RBM10: variants seen among roughly 807,000 people sequenced by gnomAD.
The protein encoded by RBM10 is RNA-binding protein 10.
Under a neutral mutation model 84.9 loss-of-function variants are expected in RBM10, and 1 was observed. That is an observed-to-expected ratio of 0.01 (90% CI 0.00 to 0.06). The LOEUF is 0.06. RBM10 is among the 10% of genes least tolerant of loss of function. RBM10 has a pLI of 1.00. For missense variants in RBM10, 438 were observed against 839.0 expected, an observed-to-expected ratio of 0.52 and a Z score of 5.90; for synonymous variants, 326 against 344.5, an observed-to-expected ratio of 0.95 and a Z score of 0.60.
At chrX:47,154,330 G>A (rs1932918860) in intron 2 of RBM10, among the ~76,000 whole-genome samples, 1 of 111,161 alleles carries the variant, frequency 9.0e-6, no homozygotes, top group Admixed American at 9.6e-5. Context: ...TTCAATACCT[G>A]AATTTATTTG....
rs2147178060 is a variant in RBM10, at chrX:47,180,320, C to T, written c.1160+11C>T. The stretch of plus-strand genomic sequence containing the variant: ...CAAGGGTTCTAAGAGGTCAGGGCCC[C>T]ACCTGTGTGCCTTCCCACCCTTCCC... On this transcript the variant is annotated intron_variant, in intron 11 of 23. Coordinates refer to ENST00000377604, the MANE Select transcript of RBM10 (RefSeq NM_005676.5). 2 of 1,184,516 alleles carry T rather than the reference C, an allele frequency of 1.7e-6. No homozygotes were observed. The highest frequency in any genetic ancestry group is 3.7e-5 in the South Asian group (2 of 54,057).
At chrX:47,158,941 G>A (rs1933414031) in intron 2 of RBM10, among the ~76,000 whole-genome samples, 2 of 112,367 alleles carry the variant, frequency 1.8e-5, no homozygotes, top group South Asian at 3.6e-4. Context: ...TTCTGTTTTC[G>A]TGGCAGGTGG....
rs1448216767 is a variant in RBM10 at position 47,186,363 on chromosome X, G to A, written c.2643G>A (p.Lys881=). The A allele has an allele frequency of 2.5e-6, 3 of 1,196,203 alleles. No individual in the cohort carries two copies. In the African/African-American group the frequency reaches 5.2e-5, roughly 21 times the overall value. The change falls in exon 23 of 24, where the codon AAG becomes AAA. Residue 881 remains lysine (K), a synonymous_variant. Transcript: ENST00000377604. ...AGGGCAGCGGCCTGGGCCGCAAGAA[G>A]CAGGGCATTGTAACGCCTATCGAGG... ...WKEGSGLGRK[K]QGIVTPIEAQ... is the part of the protein sequence containing the mutation.
intron 7 of RBM10, among the ~76,000 whole-genome samples, chrX:47,178,516 A>G: frequency 8.9e-6 from 1 of 112,176 alleles, no homozygotes; most frequent in Non-Finnish European, 1.9e-5. Flanking sequence ...GAGGGCAGAG[A>G]CCATGTTCTG....
chrX:47,161,797 G>A (rs1933724926), intron 2 of RBM10, among the ~76,000 whole-genome samples: 1 of 110,783 alleles, frequency 9.0e-6, no homozygotes, highest in Non-Finnish European at 1.9e-5. Context: ...CTCCCAAAGT[G>A]CTGGGATTAG....
chrX:47,157,736 G>T, intron 2 of RBM10: 1 of 503,142 alleles, frequency 2.0e-6, no homozygotes, highest in Non-Finnish European at 3.6e-6. Flanking sequence ...TGACGTCCAG[G>T]GGTCCCTGCT....
At position 47,181,249 on chromosome X, in the gene RBM10, C is replaced by G. The variant is rs1556779006; in HGVS notation, c.1283C>G (p.Ser428Cys). The change falls in exon 13 of 24, where the codon TCC becomes TGC. Residue 428 changes from serine (S) to cysteine (C), a missense_variant. By Grantham distance (112) the Ser-to-Cys change is moderately radical. Coordinates refer to ENST00000377604, the MANE Select transcript of RBM10 (RefSeq NM_005676.5). ...SQGGEGTWAT[S>C]EEPPVDYSYY... ...GGTGGGGAGGGTACCTGGGCCACCT[C>G]CGAGGAGCCGCCGGTCGACTACAGC... 1 of 1,168,087 alleles carries G rather than the reference C, an allele frequency of 8.6e-7. No homozygotes were observed. The highest frequency in any genetic ancestry group is 1.8e-5 in the African/African-American group (1 of 55,329).
At chrX:47,161,536 T>TGAGAGAGAGAGA (rs376441587) in intron 2 of RBM10, among the ~76,000 whole-genome samples, 35 of 62,171 alleles carry the variant, frequency 5.6e-4, no homozygotes, top group Non-Finnish European at 8.8e-4. Context: ...TTTTTTTTAG[T>TGAGAGAGAGAGA]GAGAGAGAGA....
Position 47,147,498 on chromosome X carries a change from G to C in RBM10, c.17G>C (p.Arg6Pro), listed in dbSNP as rs2147065970. Residue 6 changes from arginine (R) to proline (P), a missense_variant and splice_region_variant, in exon 2 of 24, where the codon CGT (arginine) becomes CCT (proline). Arg to Pro is a moderately radical substitution (Grantham distance 103). Transcript: ENST00000377604. Reference sequence around the variant, plus strand: ...TATCAGGACATGGAGTATGAAAGACGGTGAGTTATCTGTTCTCAGCTTCCC... The same window carrying C: ...TATCAGGACATGGAGTATGAAAGACCGTGAGTTATCTGTTCTCAGCTTCCC... MEYERRGGRGDRTGRY... is the reference protein window; with the variant it reads MEYERPGGRGDRTGRY... 1 of 1,211,481 alleles carries C rather than the reference G, an allele frequency of 8.3e-7. No individual in the cohort carries two copies. Among genetic ancestry groups the C allele is most frequent in the Non-Finnish European group, 1.1e-6 (1 of 895,154 alleles).
intron 2 of RBM10, among the ~76,000 whole-genome samples, chrX:47,163,892 G>A (rs868969114): frequency 1.1e-4 from 6 of 54,023 alleles, no homozygotes; most frequent in East Asian, 6.4e-4. Flanking sequence ...TTTTTGAGAC[G>A]GAGTCTCACT....
intron 7 of RBM10, among the ~76,000 whole-genome samples, chrX:47,178,091 C>G (rs782097054): frequency 1.8e-5 from 2 of 111,403 alleles, no homozygotes; most frequent in Admixed American, 1.9e-4. Flanking sequence ...ATGCTGGCCT[C>G]TTGTCCTCTT....
chrX:47,153,085 A>G (rs1382709626), intron 2 of RBM10, among the ~76,000 whole-genome samples: 1 of 111,304 alleles, frequency 9.0e-6, no homozygotes, highest in Non-Finnish European at 1.9e-5. Context: ...ACCTCAGGTG[A>G]TCCGCCCATC....
At chrX:47,148,041 C>T (rs1932447365) in intron 2 of RBM10, among the ~76,000 whole-genome samples, 2 of 111,746 alleles carry the variant, frequency 1.8e-5, no homozygotes, top group Non-Finnish European at 3.8e-5. Flanking sequence ...CAGGTGATTC[C>T]GAGGCAGGTG....
In RBM10 at chrX:47,153,036, G is replaced by A. The variant is rs782792341; in HGVS notation, c.17+5538G>A. On this transcript the variant is annotated intron_variant, in intron 2 of 23. Transcript: ENST00000377604. ...TAATTTTGTATTTTTAGTAGAGACAGGATTTTTCCATGTTGATCAGGCTGG... is the reference window on the plus strand; with the variant it reads ...TAATTTTGTATTTTTAGTAGAGACAAGATTTTTCCATGTTGATCAGGCTGG... Among the ~76,000 whole-genome samples, 164 of 110,071 alleles carry A rather than the reference G, an allele frequency of 1.5e-3. 2 individuals carry two copies. Among genetic ancestry groups the A allele is most frequent in the African/African-American group, 5.1e-3 (155 of 30,277 alleles).
intron 7 of RBM10, among the ~76,000 whole-genome samples, chrX:47,177,462 C>A (rs782119395): frequency 5.0e-4 from 56 of 111,823 alleles, no homozygotes; most frequent in Non-Finnish European, 6.8e-4. Flanking sequence ...AACCCTCTCC[C>A]CAGGAAGTAC....
Position 47,147,573 on chromosome X carries a change from G to A in RBM10, c.17+75G>A, listed in dbSNP as rs782674453. ...TGAGAATTGATCCAAGAAGGTGCTA[G>A]GATGGGGCTTCTGGGTAGAGGAAAC... On this transcript the variant is annotated intron_variant, in intron 2 of 23. Transcript: ENST00000377604. 3.2e-4 allele frequency: 369 copies of A among 1,137,589 alleles called. 1 individual carries two copies. Among genetic ancestry groups the A allele is most frequent in the Non-Finnish European group, 4.2e-4 (351 of 830,507 alleles). 93.8% of individuals were successfully genotyped at this position (1,137,589 alleles called of 1,213,427 possible). A position where few individuals can be genotyped will look rare whatever the true frequency, so the allele number is the denominator to read the frequency against.
chrX:47,156,963 C>T, intron 2 of RBM10: 1 of 247,818 alleles, frequency 4.0e-6, no homozygotes. Flanking sequence ...TGTGAAGAAC[C>T]TGCTCACACC....
At chrX:47,174,923 C>T in intron 5 of RBM10, 96 bp from the exon 6 acceptor site, 1 of 638,177 alleles carries the variant, frequency 1.6e-6, no homozygotes, top group South Asian at 2.2e-5. Flanking sequence ...CCCTCTCTGC[C>T]CCCCGTCCTC....
rs2147128959 is a variant in RBM10, at chrX:47,169,426, A to G, written c.129A>G (p.Ser43=). ...ACTACCGGGACATGGACTACCGTTC[A>G]TATCCTCGCGAGTATGGCAGCCAGG... ...DHDYRDMDYR[S]YPREYGSQEG... The change falls in exon 3 of 24, where the codon TCA becomes TCG. Residue 43 remains serine, a synonymous_variant. Transcript: ENST00000377604. The G allele has an allele frequency of 8.3e-7, 1 of 1,211,803 alleles. No homozygotes were observed. Among genetic ancestry groups the G allele is most frequent in the Non-Finnish European group, 1.1e-6 (1 of 895,402 alleles).
Sources: allele counts gnomAD v4.1 joint callset (sites outside exome capture counted in the v4.1 genomes callset), GRCh38; gene constraint gnomAD v4.1.1; transcripts MANE v1.5; gene names NCBI Gene and HGNC (gene_info 2026-07-23, HGNC 2026-07-21).